COLEC11: variants seen among roughly 807,000 people sequenced by gnomAD.
The protein encoded by COLEC11 is collectin-11.
COLEC11 carries 20 observed loss-of-function variants against 27.3 expected under a neutral mutation model. That is an observed-to-expected ratio of 0.73 (90% confidence interval 0.51 to 1.06). The LOEUF is 1.06. COLEC11 is among the 50% of genes least tolerant of loss of function. COLEC11 has a pLI of 0.00. For synonymous variants in COLEC11, 163 were observed against 154.7 expected (o/e 1.05, Z -0.40); for missense variants, 310 against 383.0 (o/e 0.81, Z 1.59).
chr2:3,608,191 TG>T (rs1284226977), intron 2 of COLEC11, among the ~76,000 whole-genome samples: 1 of 152,238 alleles, frequency 6.6e-6, no homozygotes, highest in Non-Finnish European at 1.5e-5. Flanking sequence ...GATTTGTACA[TG>T]ATTTGCAGGG....
intron 4 of COLEC11, among the ~76,000 whole-genome samples, chr2:3,639,515 C>T (rs1436423650): frequency 2.0e-5 from 3 of 152,274 alleles, no homozygotes; most frequent in East Asian, 1.9e-4. Flanking sequence ...CCTCCTTATG[C>T]GAATGGAATT....
At position 3,604,261 on chromosome 2, in the gene COLEC11, C is replaced by T; in HGVS notation, c.-26-54C>T. 3.1e-6 allele frequency: 5 copies of T among 1,603,800 alleles called. No homozygotes were observed. In the South Asian group the frequency reaches 4.4e-5, roughly 14 times the overall value. On this transcript the variant is annotated intron_variant, in intron 1 of 6. Coordinates refer to ENST00000349077, the MANE Select transcript of COLEC11 (RefSeq NM_024027.5). ...TGCCTCCGAGGCCTGCTCACTGTCA[C>T]TGGCTGCCCGGCTGTTGCAGTTCCC... is the stretch of plus-strand genomic sequence containing the variant.
intron 3 of COLEC11, among the ~76,000 whole-genome samples, chr2:3,627,408 CGAT>C (rs1307053523): frequency 7.0e-6 from 1 of 142,108 alleles, no homozygotes; most frequent in Admixed American, 6.9e-5. Context: ...CTGGGCACGA[CGAT>C]GGGCACAACG....
At chr2:3,642,731 G>C (rs540710546) in intron 5 of COLEC11, among the ~76,000 whole-genome samples, 2 of 152,180 alleles carry the variant, frequency 1.3e-5, no homozygotes, top group African/African-American at 4.8e-5. Context: ...TCTGAGGGCC[G>C]CTCCAGCCAT....
At chr2:3,626,935 AC>A (rs1449451058) in intron 3 of COLEC11, among the ~76,000 whole-genome samples, 4 of 151,940 alleles carry the variant, frequency 2.6e-5, no homozygotes, top group African/African-American at 9.7e-5. Flanking sequence ...ACCACCCTCC[AC>A]ACCCTCCCTG....
At chr2:3,608,177 C>T (rs1209637322) in intron 2 of COLEC11, among the ~76,000 whole-genome samples, 3 of 152,110 alleles carry the variant, frequency 2.0e-5, no homozygotes, top group African/African-American at 7.2e-5. Flanking sequence ...GCTTTTTGTT[C>T]GTAGATTTGT....
chr2:3,622,728 A>G (rs1467260675), intron 3 of COLEC11, among the ~76,000 whole-genome samples: 1 of 151,992 alleles, frequency 6.6e-6, no homozygotes, highest in Non-Finnish European at 1.5e-5. Flanking sequence ...CTACCTCAAG[A>G]CTCTGTGGAG....
intron 2 of COLEC11, chr2:3,604,946 GAA>G (rs998697550): frequency 9.0e-5 from 33 of 367,492 alleles, no homozygotes; most frequent in South Asian, 1.3e-4. Context: ...GTGGTTAGGG[GAA>G]AAAAAAAAGA....
At chr2:3,640,523 C>A (rs1156441939) in intron 5 of COLEC11, among the ~76,000 whole-genome samples, 192 bp downstream of exon 5, 1 of 117,094 alleles carries the variant, frequency 8.5e-6, no homozygotes, top group Non-Finnish European at 1.7e-5. Flanking sequence ...GGACACCCAC[C>A]CCCGTCACAT....
chr2:3,621,966 C>T (rs552457129), intron 3 of COLEC11, among the ~76,000 whole-genome samples: 1 of 152,124 alleles, frequency 6.6e-6, no homozygotes, highest in Admixed American at 6.5e-5. Context: ...ATCACGAGGT[C>T]AGGAGTTCAA....
intron 3 of COLEC11, among the ~76,000 whole-genome samples, chr2:3,629,471 T>C (rs1184025005): frequency 6.6e-6 from 1 of 152,210 alleles, no homozygotes; most frequent in Non-Finnish European, 1.5e-5. Flanking sequence ...AGGATAAAAG[T>C]AGGCTTATGT....
intron 3 of COLEC11, among the ~76,000 whole-genome samples, chr2:3,622,343 A>G (rs1001650690): frequency 7.9e-5 from 12 of 152,158 alleles, no homozygotes; most frequent in African/African-American, 2.9e-4. Flanking sequence ...ACAAACAAAC[A>G]ACAACAACAA....
intron 1 of COLEC11, 102 bp from the exon 2 acceptor site, chr2:3,604,213 G>A: frequency 1.5e-6 from 2 of 1,317,762 alleles, no homozygotes; most frequent in East Asian, 4.6e-5. Flanking sequence ...AGCCCTTCCA[G>A]GCACCAGGAG....
rs140392425 is a variant in COLEC11 at position 3,642,027 on chromosome 2, G to A, written c.329-1417G>A. Among the ~76,000 whole-genome samples the A allele has an allele frequency of 5.0e-3, 759 of 152,352 alleles. 12 individuals carry two copies. Among genetic ancestry groups the A allele is most frequent in the African/African-American group, 0.017 (720 of 41,580 alleles). On this transcript the variant is annotated intron_variant, in intron 5 of 6. Coordinates refer to ENST00000349077, the MANE Select transcript of COLEC11 (RefSeq NM_024027.5). ...TCACTCTTCACAGGAAGAAGGTTAG[G>A]GTCCGTCCAGGGACTAGGAACAAAC... is the stretch of plus-strand genomic sequence containing the variant.
intron 3 of COLEC11, chr2:3,626,004 C>T (rs1285920700): frequency 1.9e-6 from 3 of 1,611,108 alleles, no homozygotes; most frequent in African/African-American, 2.7e-5. Context: ...ATTGTATTTA[C>T]TTTTTCCAGC....
chr2:3,623,706 G>A (rs1186891355), intron 3 of COLEC11, among the ~76,000 whole-genome samples: 1 of 151,492 alleles, frequency 6.6e-6, no homozygotes, highest in Non-Finnish European at 1.5e-5. Flanking sequence ...TTAATGTATT[G>A]TTTTTCTGAT....
chr2:3,622,680 C>T (rs912859187), intron 3 of COLEC11, among the ~76,000 whole-genome samples: 2 of 152,140 alleles, frequency 1.3e-5, no homozygotes, highest in Non-Finnish European at 2.9e-5. Flanking sequence ...AGCCAGGTGG[C>T]CTCTCTCGTG....
chr2:3,609,305 GGT>G (rs986323131), intron 2 of COLEC11, among the ~76,000 whole-genome samples: 2 of 74,022 alleles, frequency 2.7e-5, no homozygotes, highest in African/African-American at 3.8e-5. Context: ...TGCTTTTCAG[GGT>G]CTCTTTCCGT....
chr2:3,617,445 G>A, intron 3 of COLEC11: 1 of 1,216,556 alleles, frequency 8.2e-7, no homozygotes, highest in South Asian at 1.2e-5. Context: ...ATTTAAACTT[G>A]ATCCAATCTC....
Sources: gnomAD v4.1 joint callset for allele counts (sites outside exome capture counted in the v4.1 genomes callset) on GRCh38, gnomAD v4.1.1 for gene constraint, MANE v1.5 for transcripts, NCBI Gene and HGNC (gene_info 2026-07-23, HGNC 2026-07-21) for gene names.